SIPA1L3: variants seen among roughly 807,000 people sequenced by gnomAD.
SIPA1L3 encodes signal induced proliferation associated 1 like 3, also known as signal-induced proliferation-associated 1-like protein 3.
Under a neutral mutation model 150.1 loss-of-function variants are expected in SIPA1L3, and 59 were observed. That is an observed-to-expected ratio of 0.39 (90% confidence interval 0.32 to 0.49). The LOEUF is 0.49. Ranked by LOEUF, SIPA1L3 falls within the 20% of genes least tolerant of loss-of-function variation. The probability of loss-of-function intolerance (pLI) is 0.86; values close to 1 mark genes in which losing one functional copy is unlikely to be tolerated. For synonymous variants in SIPA1L3, 1,070 were observed against 1,077.6 expected (o/e 0.99, Z 0.14); for missense variants, 2,211 against 2,489.5 (o/e 0.89, Z 2.38).
Position 38,130,488 on chromosome 19 carries a change from T to G in SIPA1L3, c.2869-10T>G. On this transcript the variant is annotated splice_polypyrimidine_tract_variant and intron_variant, in intron 9 of 21. Transcript: ENST00000222345. ...AGCTTCTGAGGCTCGATCCTGCCTG[T>G]GGCCTGCAGGTGATGACCAGTGGCT... The G allele has an allele frequency of 6.2e-7, 1 of 1,605,436 alleles. No individual in the cohort carries two copies. Among genetic ancestry groups the G allele is most frequent in the East Asian group, 2.2e-5 (1 of 44,730 alleles).
chr19:38,165,514 C>T (rs762995444), intron 15 of SIPA1L3, among the ~76,000 whole-genome samples: 2 of 152,198 alleles, frequency 1.3e-5, no homozygotes, highest in Non-Finnish European at 2.9e-5. Context: ...TTGGAAGCCT[C>T]TGAGCACCTT....
chr19:38,184,720 T>A (rs757595788), intron 16 of SIPA1L3: 1 of 152,150 alleles, frequency 6.6e-6, no homozygotes, highest in Admixed American at 6.5e-5. Context: ...AGAAACAGTG[T>A]CCCTGGAGAT....
chr19:38,078,383 G>A (rs926423488), intron 2 of SIPA1L3, among the ~76,000 whole-genome samples: 1 of 151,870 alleles, frequency 6.6e-6, no homozygotes, highest in Non-Finnish European at 1.5e-5. Flanking sequence ...CTCTGCCAGT[G>A]CGCTCCATAA....
intron 1 of SIPA1L3, among the ~76,000 whole-genome samples, chr19:38,021,926 G>A (rs1341884623): frequency 1.3e-5 from 2 of 152,204 alleles, no homozygotes; most frequent in Non-Finnish European, 2.9e-5. Context: ...CCTCCCCAAG[G>A]TTCTGAAGAT....
chr19:38,063,820 GA>G (rs1288009098), intron 2 of SIPA1L3, among the ~76,000 whole-genome samples: 8 of 152,054 alleles, frequency 5.3e-5, no homozygotes, highest in African/African-American at 1.2e-4. Flanking sequence ...TGTTCACTGA[GA>G]AAAAAATAAT....
At chr19:38,087,108 G>A (rs887533676) in intron 3 of SIPA1L3, among the ~76,000 whole-genome samples, 1 of 152,238 alleles carries the variant, frequency 6.6e-6, no homozygotes, top group African/African-American at 2.4e-5. Context: ...GAGGTGCACA[G>A]ATGGGCCTAG....
intron 1 of SIPA1L3, among the ~76,000 whole-genome samples, chr19:37,940,696 C>G (rs2046646473): frequency 6.6e-6 from 1 of 152,128 alleles, no homozygotes; most frequent in Non-Finnish European, 1.5e-5. Flanking sequence ...TTCTCCACCT[C>G]AGCCTCCTTA....
intron 1 of SIPA1L3, among the ~76,000 whole-genome samples, chr19:38,010,416 A>G (rs1465783818): frequency 6.6e-6 from 1 of 151,686 alleles, no homozygotes; most frequent in Non-Finnish European, 1.5e-5. Context: ...AAAATTAAAA[A>G]AAAAAAAAAA....
At chr19:38,204,478 A>C (rs2146077799) in intron 21 of SIPA1L3, among the ~76,000 whole-genome samples, 1 of 152,296 alleles carries the variant, frequency 6.6e-6, no homozygotes, top group African/African-American at 2.4e-5. Flanking sequence ...ACACAAAAAA[A>C]CTGTGGCTGG....
intron 2 of SIPA1L3, among the ~76,000 whole-genome samples, chr19:38,037,354 A>G (rs1968815479): frequency 6.6e-6 from 1 of 152,164 alleles, no homozygotes; most frequent in South Asian, 2.1e-4. Flanking sequence ...AGGAATGGGG[A>G]GAGAGTCCCT....
chr19:38,012,002 A>G (rs780582369), intron 1 of SIPA1L3, among the ~76,000 whole-genome samples: 2 of 152,020 alleles, frequency 1.3e-5, no homozygotes, highest in Non-Finnish European at 2.9e-5. Context: ...ATGTGTCTGC[A>G]TCATTGCTGG....
chr19:38,180,387 C>T (rs1972528819), intron 15 of SIPA1L3, among the ~76,000 whole-genome samples: 1 of 151,772 alleles, frequency 6.6e-6, no homozygotes, highest in South Asian at 2.1e-4. Flanking sequence ...GTTTCCAACT[C>T]CTGGGCTTGA....
At chr19:38,098,650 C>T (rs1231275058) in intron 4 of SIPA1L3, among the ~76,000 whole-genome samples, 1 of 152,140 alleles carries the variant, frequency 6.6e-6, no homozygotes, top group East Asian at 1.9e-4. Context: ...CCGCCTCGGC[C>T]TCCCAAAGGG....
chr19:38,160,670 G>A (rs1972062684), intron 13 of SIPA1L3, among the ~76,000 whole-genome samples: 1 of 152,046 alleles, frequency 6.6e-6, no homozygotes, highest in South Asian at 2.1e-4. Context: ...CCAAAGTGCT[G>A]GGATTACAGG....
intron 2 of SIPA1L3, among the ~76,000 whole-genome samples, chr19:38,067,826 G>A (rs1306540836): frequency 2.0e-5 from 3 of 151,972 alleles, no homozygotes; most frequent in African/African-American, 7.2e-5. Context: ...ATGTGGAAGT[G>A]CTGGCTTTCA....
chr19:37,927,698 A>C (rs1280847265), intron 1 of SIPA1L3, among the ~76,000 whole-genome samples: 1 of 133,834 alleles, frequency 7.5e-6, no homozygotes, highest in Non-Finnish European at 1.6e-5. Context: ...TGTGTATGCA[A>C]TGTTTAGCTC....
chr19:38,027,851 C>CA (rs967293297), intron 1 of SIPA1L3, among the ~76,000 whole-genome samples: 5 of 152,082 alleles, frequency 3.3e-5, no homozygotes, highest in Non-Finnish European at 7.4e-5. Flanking sequence ...ACTGACTGGG[C>CA]AACCTCAGCT....
chr19:38,096,377 G>A (rs2145850302), intron 4 of SIPA1L3, among the ~76,000 whole-genome samples: 1 of 152,250 alleles, frequency 6.6e-6, no homozygotes, highest in Non-Finnish European at 1.5e-5. Flanking sequence ...AGCCTCCTGA[G>A]TAACTGGGAT....
At chr19:38,099,548 C>G (rs927177840) in intron 4 of SIPA1L3, among the ~76,000 whole-genome samples, 2 of 152,174 alleles carry the variant, frequency 1.3e-5, no homozygotes, top group African/African-American at 4.8e-5. Flanking sequence ...CATAATTCAT[C>G]TCCCCCATTC....
Sources: allele counts gnomAD v4.1 joint callset (sites outside exome capture counted in the v4.1 genomes callset), GRCh38; gene constraint gnomAD v4.1.1; transcripts MANE v1.5; gene names NCBI Gene and HGNC (gene_info 2026-07-23, HGNC 2026-07-21).